Variants in ATG10 observed in about 807,000 individuals in gnomAD.
ATG10 encodes ubiquitin-like-conjugating enzyme ATG10.
Under a neutral mutation model 32.1 loss-of-function variants are expected in ATG10, and 30 were observed. The observed-to-expected ratio is 0.94, with a 90% CI of 0.70 to 1.27. The LOEUF is 1.27. ATG10 is among the 50% of genes most tolerant of loss of function. ATG10 has a pLI of 0.00. For synonymous variants in ATG10, 87 were observed against 91.5 expected (o/e 0.95, Z 0.28); for missense variants, 233 against 262.3 (o/e 0.89, Z 0.77).
rs149986124 is a variant in ATG10 at position 82,092,379 on chromosome 5, A to T, written c.216+33777A>T. Among the ~76,000 whole-genome samples the T allele has an allele frequency of 1.1e-4, 17 of 152,346 alleles. No individual in the cohort carries two copies. The East Asian group carries it at 3.3e-3, about 29-fold the overall frequency. ...ATGACAAAGGCTTTTAAAACATGATATTGATAACCAAAAATAGATATTTCT... is the reference window on the plus strand; with the variant it reads ...ATGACAAAGGCTTTTAAAACATGATTTTGATAACCAAAAATAGATATTTCT... On this transcript the variant is annotated intron_variant, in intron 3 of 7. Transcript: ENST00000282185.
chr5:82,040,413 A>G (rs537673827), intron 2 of ATG10, among the ~76,000 whole-genome samples: 7 of 152,244 alleles, frequency 4.6e-5, no homozygotes, highest in Non-Finnish European at 8.8e-5. Flanking sequence ...AGGCATTCTC[A>G]TGCATTACTG....
At position 82,237,682 on chromosome 5, in the gene ATG10, G is replaced by A. The variant is rs979999914; in HGVS notation, c.454-14880G>A. 4.0e-5 allele frequency among the ~76,000 whole-genome samples: 6 copies of A among 150,232 alleles called. No homozygotes were observed. In the East Asian group the frequency reaches 7.8e-4, roughly 20 times the overall value. On this transcript the variant is annotated intron_variant, in intron 5 of 7. Coordinates refer to ENST00000282185, the MANE Select transcript of ATG10 (RefSeq NM_031482.5). ...AGTCTTTGCTGCCGTCTCTCTCCCC[G>A]AGTCAGAAGTGACCTCTCCTTTCTT...
At chr5:82,197,474 ACC>A (rs1744901586) in intron 5 of ATG10, among the ~76,000 whole-genome samples, 1 of 151,570 alleles carries the variant, frequency 6.6e-6, no homozygotes, top group Non-Finnish European at 1.5e-5. Context: ...CTACCTACCT[ACC>A]TACCTACCTA....
chr5:82,014,343 G>T (rs1448614982), intron 2 of ATG10, among the ~76,000 whole-genome samples: 1 of 152,136 alleles, frequency 6.6e-6, no homozygotes, highest in Admixed American at 6.5e-5. Flanking sequence ...TGTCTATTAG[G>T]TCCACTTGGT....
chr5:82,056,660 C>T (rs1481045713), intron 2 of ATG10, among the ~76,000 whole-genome samples: 1 of 151,860 alleles, frequency 6.6e-6, no homozygotes, highest in Non-Finnish European at 1.5e-5. Context: ...CTGGGGCCGG[C>T]AGTACTGATG....
chr5:82,179,824 A>G (rs1744165415), intron 5 of ATG10, among the ~76,000 whole-genome samples: 1 of 152,132 alleles, frequency 6.6e-6, no homozygotes, highest in African/African-American at 2.4e-5. Context: ...CTCCCAATCA[A>G]CATAAGAATC....
chr5:82,184,421 G>A (rs570758311), intron 5 of ATG10, among the ~76,000 whole-genome samples: 10 of 151,988 alleles, frequency 6.6e-5, no homozygotes, highest in Non-Finnish European at 1.3e-4. Context: ...TGAAGATTAA[G>A]CTATGCCAAA....
chr5:82,200,463 CTTTTTTTTTT>C (rs764388608), intron 5 of ATG10, among the ~76,000 whole-genome samples: 5 of 52,554 alleles, frequency 9.5e-5, no homozygotes, highest in East Asian at 5.3e-4. Flanking sequence ...TCCCTAACTT[CTTTTTTTTTT>C]TTTTTTTTTT....
intron 2 of ATG10, among the ~76,000 whole-genome samples, chr5:82,037,149 A>T (rs2149722535): frequency 6.7e-6 from 1 of 149,350 alleles, no homozygotes; most frequent in Non-Finnish European, 1.5e-5. Context: ...AAAAAAAAAA[A>T]AAAAAATTCA....
At chr5:82,253,605 A>G (rs1410622557) in intron 7 of ATG10, among the ~76,000 whole-genome samples, 176 bp downstream of exon 7, 2 of 152,190 alleles carry the variant, frequency 1.3e-5, no homozygotes, top group African/African-American at 2.4e-5. Context: ...GGGATCCCCA[A>G]ATCCCAGGCC....
chr5:82,054,812 A>G (rs966525303), intron 2 of ATG10, among the ~76,000 whole-genome samples: 3 of 152,206 alleles, frequency 2.0e-5, no homozygotes, highest in African/African-American at 7.2e-5. Flanking sequence ...TAGAGGATGG[A>G]GGCCTAGGCC....
rs1166784267 is a variant in ATG10, at chr5:82,037,234, C to CTTTTTTTTTT, written c.109-21239_109-21230dup. ...ACTTTTTGTAATAAGATCTCATTTA[C>CTTTTTTTTTT]TTTTTTTTTTTTTTTTTTTTTTTTT... On this transcript the variant is annotated intron_variant, in intron 2 of 7. Coordinates refer to ENST00000282185, the MANE Select transcript of ATG10 (RefSeq NM_031482.5). Among the ~76,000 whole-genome samples the CTTTTTTTTTT allele has an allele frequency of 2.0e-3, 74 of 36,946 alleles. 32 individuals are homozygous for CTTTTTTTTTT. The highest frequency in any genetic ancestry group is 5.8e-3 in the South Asian group (4 of 690). 24.2% of individuals were successfully genotyped at this position (36,946 alleles called of 152,430 possible).
At chr5:82,086,854 G>A (rs761858795) in intron 3 of ATG10, among the ~76,000 whole-genome samples, 8 of 152,084 alleles carry the variant, frequency 5.3e-5, no homozygotes, top group Non-Finnish European at 1.0e-4. Context: ...TGGATATTTC[G>A]TAAACATCAG....
At chr5:82,243,919 T>C (rs1746909855) in intron 5 of ATG10, among the ~76,000 whole-genome samples, 2 of 151,854 alleles carry the variant, frequency 1.3e-5, no homozygotes, top group South Asian at 4.2e-4. Flanking sequence ...AACAAAAATA[T>C]ATGGAAGCAA....
chr5:82,250,695 G>T (rs566794007), intron 5 of ATG10, among the ~76,000 whole-genome samples: 1 of 151,988 alleles, frequency 6.6e-6, no homozygotes, highest in Admixed American at 6.6e-5. Flanking sequence ...TTATTTATTC[G>T]TTCTGTGTGT....
At chr5:82,083,983 G>A (rs562600178) in intron 3 of ATG10, among the ~76,000 whole-genome samples, 2 of 152,214 alleles carry the variant, frequency 1.3e-5, no homozygotes, top group South Asian at 2.1e-4. Context: ...GAATGACTAT[G>A]ACGCGTTGAG....
At chr5:82,077,269 G>T (rs2149775823) in intron 3 of ATG10, among the ~76,000 whole-genome samples, 1 of 152,284 alleles carries the variant, frequency 6.6e-6, no homozygotes, top group South Asian at 2.1e-4. Context: ...ATTGCAGTGA[G>T]CAGTGCAGTG....
chr5:82,243,128 C>T (rs1746872739), intron 5 of ATG10, among the ~76,000 whole-genome samples: 1 of 151,788 alleles, frequency 6.6e-6, no homozygotes, highest in African/African-American at 2.4e-5. Flanking sequence ...TAAGAATAAC[C>T]ACTAAATGTT....
chr5:82,089,811 C>T (rs945062763), intron 3 of ATG10, among the ~76,000 whole-genome samples: 3 of 151,586 alleles, frequency 2.0e-5, no homozygotes, highest in Admixed American at 6.6e-5. Flanking sequence ...AAAAGAAAAG[C>T]CACAGAATAG....
Sources: allele counts gnomAD v4.1 joint callset (sites outside exome capture counted in the v4.1 genomes callset), GRCh38; gene constraint gnomAD v4.1.1; transcripts MANE v1.5; gene names NCBI Gene and HGNC (gene_info 2026-07-23, HGNC 2026-07-21).